HLCS: variants seen among roughly 807,000 people sequenced by gnomAD.
The protein encoded by HLCS is holocarboxylase synthetase.
Under a neutral mutation model 75.0 loss-of-function variants are expected in HLCS, and 53 were observed. The observed-to-expected ratio is 0.71, with a 90% CI of 0.57 to 0.89. The LOEUF is 0.89. HLCS is among the 40% of genes least tolerant of loss of function. HLCS has a pLI of 0.00. For synonymous variants in HLCS, 431 were observed against 428.6 expected (o/e 1.01, Z -0.07); for missense variants, 966 against 1,074.0 (o/e 0.90, Z 1.41).
chr21:36,791,171 T>C (rs2060850971), intron 6 of HLCS, among the ~76,000 whole-genome samples: 1 of 152,174 alleles, frequency 6.6e-6, no homozygotes, highest in South Asian at 2.1e-4. Flanking sequence ...AGAAGCGTCC[T>C]CTGTTGTAAA....
upstream of HLCS, chr21:36,968,412 T>C (rs922985136): frequency 1.3e-5 from 2 of 152,224 alleles, no homozygotes; most frequent in African/African-American, 2.4e-5. Context: ...TTTTCCCCCT[T>C]GCATATAGCG....
chr21:36,825,972 C>T (rs1243860532), intron 6 of HLCS, among the ~76,000 whole-genome samples: 4 of 151,976 alleles, frequency 2.6e-5, no homozygotes, highest in African/African-American at 4.8e-5. Flanking sequence ...AATAGACCCA[C>T]CTGGAAGGCA....
intron 1 of HLCS, among the ~76,000 whole-genome samples, chr21:36,965,731 ATTT>A (rs35275580): frequency 7.0e-6 from 1 of 141,990 alleles, no homozygotes; most frequent in African/African-American, 2.6e-5. Flanking sequence ...TTTGTTTGGG[ATTT>A]TTTTTTTTTT....
Position 36,842,859 on chromosome 21 carries a change from C to CTACG in HLCS, c.1892+53997_1892+54000dup, listed in dbSNP as rs2062663228. On this transcript the variant is annotated intron_variant, in intron 6 of 10. Coordinates refer to ENST00000674895, the MANE Select transcript of HLCS (RefSeq NM_001352514.2). This position sits in a 1 kb window ranked among gnomAD's most constrained non-coding sequence, Gnocchi z 4.2. ...TGAGGCCCTGAAAAATTCTGCAGAC[C>CTACG]TACGTCAGCCTAACCAGCAGGATGA... Among the ~76,000 whole-genome samples the CTACG allele has an allele frequency of 6.6e-6, 1 of 152,202 alleles. No individual in the cohort carries two copies. Among genetic ancestry groups the CTACG allele is most frequent in the Non-Finnish European group, 1.5e-5 (1 of 68,036 alleles).
chr21:36,985,965 T>C (rs569088999), intron 1 of HLCS, among the ~76,000 whole-genome samples: 6 of 152,316 alleles, frequency 3.9e-5, no homozygotes, highest in African/African-American at 1.4e-4. Context: ...TATATGTTTG[T>C]AATTCATACG....
At chr21:36,786,919 G>A (rs1322671319) in intron 6 of HLCS, among the ~76,000 whole-genome samples, 1 of 152,216 alleles carries the variant, frequency 6.6e-6, no homozygotes, top group East Asian at 1.9e-4. Flanking sequence ...GGACAACAGA[G>A]GTGTCAGAGT....
intron 6 of HLCS, among the ~76,000 whole-genome samples, chr21:36,830,212 C>A (rs1300585244): frequency 1.3e-5 from 2 of 152,136 alleles, no homozygotes; most frequent in Admixed American, 1.3e-4. Flanking sequence ...AAGGAGCCAG[C>A]CCTGCTGACA....
At chr21:36,824,891 A>G (rs2061959036) in intron 6 of HLCS, among the ~76,000 whole-genome samples, 1 of 152,236 alleles carries the variant, frequency 6.6e-6, no homozygotes, top group South Asian at 2.1e-4. Context: ...CATTTGGTGC[A>G]TGAAAGTGCT....
chr21:36,756,297 G>A (rs1457470485), intron 10 of HLCS, among the ~76,000 whole-genome samples: 1 of 151,888 alleles, frequency 6.6e-6, no homozygotes, highest in Non-Finnish European at 1.5e-5. Flanking sequence ...AATTAGCCGG[G>A]TGTGGCGGCG....
intron 6 of HLCS, among the ~76,000 whole-genome samples, chr21:36,850,841 C>T (rs374440763): frequency 4.6e-5 from 7 of 152,216 alleles, no homozygotes; most frequent in East Asian, 3.9e-4. Context: ...CAATCTACAG[C>T]GAGGAGCTCC....
rs766886232 is a variant in HLCS, at chr21:36,897,112, A to G, written c.1640T>C (p.Met547Thr). The G allele has an allele frequency of 6.2e-6, 10 of 1,614,058 alleles. No homozygotes were observed. In the Admixed American group the frequency reaches 6.7e-5, roughly 11 times the overall value. Reference protein sequence around the residue: ...SAAEEIRDPLMQWLGKHVDSE... With the variant: ...SAAEEIRDPLTQWLGKHVDSE... Reference sequence around the variant, plus strand: ...GTCCACATGTTTCCCAAGCCACTGCATAAGAGGATCCCTGATTTCCTGTGT... The same window carrying G: ...GTCCACATGTTTCCCAAGCCACTGCGTAAGAGGATCCCTGATTTCCTGTGT... Residue 547 changes from methionine to threonine, a missense_variant, in exon 6 of 11, where the codon ATG (methionine) becomes ACG (threonine). By Grantham distance (81) the Met-to-Thr change is moderately conservative. Coordinates refer to ENST00000674895, the MANE Select transcript of HLCS (RefSeq NM_001352514.2).
intron 5 of HLCS, among the ~76,000 whole-genome samples, chr21:36,921,306 G>A (rs1436376707): frequency 2.0e-5 from 3 of 152,128 alleles, no homozygotes; most frequent in East Asian, 1.9e-4. Flanking sequence ...CTAGCTGGGC[G>A]TGGTGGTGTG....
chr21:36,851,051 CA>C (rs2062986219), intron 6 of HLCS, among the ~76,000 whole-genome samples: 1 of 152,086 alleles, frequency 6.6e-6, no homozygotes, highest in Admixed American at 6.5e-5. Context: ...TTTCTCTCAG[CA>C]AAAGCTTTTT....
chr21:36,936,935 G>A lies in HLCS; in HGVS notation c.951C>T (p.Ser317=), dbSNP rs185480832. The A allele has an allele frequency of 2.3e-4, 379 of 1,614,158 alleles. No homozygotes were observed. The highest frequency in any genetic ancestry group is 1.2e-3 in the South Asian group (106 of 91,076). Residue 317 remains serine, a synonymous_variant, in exon 4 of 11, where the codon TCC becomes TCT. Transcript: ENST00000674895. The part of the protein sequence containing the change: ...KAPNILLYVG[S]DSQEALGRFH... ...ACCGGCCGAGGGCTTCCTGGGAGTC[G>A]GAGCCCACATAGAGGAGGATGTTGG...
chr21:36,985,028 C>T (rs2069201398), intron 1 of HLCS, among the ~76,000 whole-genome samples: 1 of 152,138 alleles, frequency 6.6e-6, no homozygotes, highest in African/African-American at 2.4e-5. Context: ...GATTAAATTG[C>T]AGAAACCATG....
intron 6 of HLCS, among the ~76,000 whole-genome samples, chr21:36,829,538 A>G (rs1035954242): frequency 6.6e-6 from 1 of 152,228 alleles, no homozygotes; most frequent in African/African-American, 2.4e-5. Context: ...ACTAGATATT[A>G]CTGAATATTA....
At chr21:36,883,088 G>A (rs1053776424) in intron 6 of HLCS, among the ~76,000 whole-genome samples, 12 of 152,132 alleles carry the variant, frequency 7.9e-5, no homozygotes, top group East Asian at 3.9e-4. Context: ...TCACAGTGAC[G>A]GAATACCCCT....
chr21:36,899,002 A>C (rs2065128649), intron 5 of HLCS, among the ~76,000 whole-genome samples: 1 of 152,196 alleles, frequency 6.6e-6, no homozygotes, highest in South Asian at 2.1e-4. Flanking sequence ...CAGAGGCTGC[A>C]GTGAGCCAAG....
At chr21:36,893,771 G>GCCGC (rs749143288) in intron 6 of HLCS, among the ~76,000 whole-genome samples, 30 of 152,286 alleles carry the variant, frequency 2.0e-4, no homozygotes, top group South Asian at 8.3e-4. Flanking sequence ...CTACTGCTGC[G>GCCGC]CCGCCCCGTT....
Sources: allele counts gnomAD v4.1 joint callset (sites outside exome capture counted in the v4.1 genomes callset), GRCh38; gene constraint gnomAD v4.1.1; non-coding constraint Gnocchi (gnomAD v3.1); transcripts MANE v1.5; gene names NCBI Gene and HGNC (gene_info 2026-07-23, HGNC 2026-07-21).